PDSS2: variants seen among roughly 807,000 people sequenced by gnomAD.
The protein encoded by PDSS2 is all trans-polyprenyl-diphosphate synthase PDSS2.
PDSS2 carries 31 observed loss-of-function variants against 44.5 expected under a neutral mutation model. The ratio of observed to expected loss-of-function variants is 0.70; its 90% CI spans 0.52 to 0.94. PDSS2 has a LOEUF of 0.94. Ranked by LOEUF, PDSS2 falls within the 40% of genes least tolerant of loss-of-function variation. PDSS2 has a pLI of 0.00. For missense variants in PDSS2, 452 were observed against 482.2 expected, an observed-to-expected ratio of 0.94 and a Z score of 0.59; for synonymous variants, 157 against 180.3, an observed-to-expected ratio of 0.87 and a Z score of 1.03.
At chr6:107,206,919 T>C (rs1373336748) in intron 6 of PDSS2, among the ~76,000 whole-genome samples, 1 of 151,946 alleles carries the variant, frequency 6.6e-6, no homozygotes, top group Non-Finnish European at 1.5e-5. Flanking sequence ...TTTTGACAAA[T>C]ATTAATTTGG....
intron 2 of PDSS2, among the ~76,000 whole-genome samples, chr6:107,297,361 A>G (rs1776542309): frequency 6.6e-6 from 1 of 151,802 alleles, no homozygotes; most frequent in Non-Finnish European, 1.5e-5. Context: ...ACATGTAAAC[A>G]GTATTTTTGG....
intron 3 of PDSS2, among the ~76,000 whole-genome samples, chr6:107,263,296 T>C (rs974836347): frequency 3.3e-5 from 5 of 152,004 alleles, no homozygotes; most frequent in African/African-American, 9.7e-5. Flanking sequence ...CTATTAAAAA[T>C]ACAAAAATTA....
intron 2 of PDSS2, among the ~76,000 whole-genome samples, chr6:107,333,574 A>G (rs548934412): frequency 6.6e-6 from 1 of 152,256 alleles, no homozygotes; most frequent in African/African-American, 2.4e-5. Flanking sequence ...TTGCTCTGTT[A>G]CCCAGGCTGG....
intron 2 of PDSS2, among the ~76,000 whole-genome samples, chr6:107,331,365 AT>A (rs771914894): frequency 1.3e-5 from 2 of 152,186 alleles, no homozygotes; most frequent in African/African-American, 2.4e-5. Flanking sequence ...ACATGCCAGG[AT>A]TATTCCCTAA....
chr6:107,455,850 G>A (rs1283008413), intron 1 of PDSS2, among the ~76,000 whole-genome samples: 1 of 149,084 alleles, frequency 6.7e-6, no homozygotes, highest in Non-Finnish European at 1.5e-5. Flanking sequence ...AGTTGTTTAT[G>A]AGAGTATAAA....
chr6:107,214,629 T>C (rs1773352392), intron 4 of PDSS2, among the ~76,000 whole-genome samples: 1 of 152,190 alleles, frequency 6.6e-6, no homozygotes, highest in Admixed American at 6.5e-5. Flanking sequence ...CCTGATCCTA[T>C]AATCCTTTCT....
intron 1 of PDSS2, among the ~76,000 whole-genome samples, chr6:107,384,497 A>G (rs1300362215): frequency 6.6e-6 from 1 of 151,896 alleles, no homozygotes; most frequent in Non-Finnish European, 1.5e-5. Flanking sequence ...AAAAATTAGC[A>G]GGGCATGGTG....
chr6:107,184,337 C>T (rs1772091097), intron 7 of PDSS2, among the ~76,000 whole-genome samples: 1 of 152,026 alleles, frequency 6.6e-6, no homozygotes, highest in African/African-American at 2.4e-5. Context: ...AAGAACAATA[C>T]TATATACAAA....
At chr6:107,421,574 A>G (rs1411191933) in intron 1 of PDSS2, among the ~76,000 whole-genome samples, 1 of 152,106 alleles carries the variant, frequency 6.6e-6, no homozygotes, top group Non-Finnish European at 1.5e-5. Flanking sequence ...GAAAACTGTC[A>G]ATCTCAAAAG....
chr6:107,283,763 T>TG (rs1291838082), intron 2 of PDSS2, among the ~76,000 whole-genome samples: 1 of 151,306 alleles, frequency 6.6e-6, no homozygotes, highest in Non-Finnish European at 1.5e-5. Flanking sequence ...ACGGGTGTGG[T>TG]GGCTCACGCC....
chr6:107,448,676 A>C (rs115194689), intron 1 of PDSS2, among the ~76,000 whole-genome samples: 4,934 of 152,270 alleles, frequency 0.032, 269 homozygotes, highest in African/African-American at 0.11. Context: ...CCAGCTGCAA[A>C]GTCGCTTCCA....
chr6:107,218,924 G>C (rs1458600257), intron 4 of PDSS2, among the ~76,000 whole-genome samples: 1 of 152,014 alleles, frequency 6.6e-6, no homozygotes, highest in East Asian at 1.9e-4. Context: ...TGGGCCTGGT[G>C]GTGGGTGCCT....
At chr6:107,222,538 C>T (rs1285448997) in intron 4 of PDSS2, among the ~76,000 whole-genome samples, 1 of 151,540 alleles carries the variant, frequency 6.6e-6, no homozygotes, top group Non-Finnish European at 1.5e-5. Context: ...ACCTGTAATC[C>T]CAGCTACTCA....
At position 107,245,606 on chromosome 6, in the gene PDSS2, A is replaced by G; in HGVS notation, c.644T>C (p.Leu215Ser). Reference sequence around the variant, plus strand: ...TACCAAGTCCATAAGAGCACTTGCTAAAAGTTCCACAACCTAAAAAGCAAG... The same window carrying G: ...TACCAAGTCCATAAGAGCACTTGCTGAAAGTTCCACAACCTAAAAAGCAAG... The part of the protein sequence containing the change: ...LLQNTKVVEL[L>S]ASALMDLVQG... The change falls in exon 4 of 8, where the codon TTA becomes TCA. Residue 215 changes from leucine to serine, a missense_variant. Physicochemically the swap from Leu to Ser is moderately radical, Grantham distance 145 (BLOSUM62 -2). Coordinates refer to ENST00000369037, the MANE Select transcript of PDSS2 (RefSeq NM_020381.4). The G allele has an allele frequency of 6.3e-7, 1 of 1,586,826 alleles. No individual in the cohort carries two copies. The highest frequency in any genetic ancestry group is 8.6e-7 in the Non-Finnish European group (1 of 1,160,568).
chr6:107,262,282 G>A (rs1171817579), intron 3 of PDSS2, among the ~76,000 whole-genome samples: 4 of 152,000 alleles, frequency 2.6e-5, no homozygotes, highest in Admixed American at 6.6e-5. Context: ...TTCACCTCAC[G>A]TAATCTCTAA....
intron 7 of PDSS2, among the ~76,000 whole-genome samples, chr6:107,185,836 A>G (rs2114483906): frequency 6.6e-6 from 1 of 152,304 alleles, no homozygotes; most frequent in East Asian, 1.9e-4. Flanking sequence ...TGAGGCCAGA[A>G]GCCTAAAGAG....
chr6:107,259,398 C>T, intron 3 of PDSS2, among the ~76,000 whole-genome samples: 1 of 152,048 alleles, frequency 6.6e-6, no homozygotes, highest in South Asian at 2.1e-4. Context: ...CGTGGTGGCT[C>T]ACATCAGAAA....
intron 3 of PDSS2, among the ~76,000 whole-genome samples, chr6:107,259,606 C>T (rs1336436270): frequency 2.6e-5 from 4 of 151,146 alleles, no homozygotes; most frequent in African/African-American, 9.7e-5. Flanking sequence ...ACCCAGGAGG[C>T]GGAGGTTGCA....
intron 4 of PDSS2, among the ~76,000 whole-genome samples, chr6:107,215,274 C>G (rs778344177): frequency 9.9e-5 from 15 of 152,068 alleles, no homozygotes; most frequent in Non-Finnish European, 2.2e-4. Flanking sequence ...CACCTGTAAT[C>G]GTAGCAACTC....
Sources: allele counts gnomAD v4.1 joint callset (sites outside exome capture counted in the v4.1 genomes callset), GRCh38; gene constraint gnomAD v4.1.1; transcripts MANE v1.5; gene names NCBI Gene and HGNC (gene_info 2026-07-23, HGNC 2026-07-21).